The following ASPH variants were observed in gnomAD, a reference collection of about 807,000 sequenced individuals.
ASPH encodes the protein aspartyl/asparaginyl beta-hydroxylase.
ASPH carries 100 observed loss-of-function variants against 118.4 expected under a neutral mutation model. That is an observed-to-expected ratio of 0.84 (90% CI 0.72 to 1.00). ASPH has a LOEUF of 1.00. ASPH is among the 50% of genes least tolerant of loss of function. The probability of loss-of-function intolerance (pLI) is 0.00; values close to 1 mark genes in which losing one functional copy is unlikely to be tolerated. For synonymous variants in ASPH, 315 were observed against 325.6 expected, an observed-to-expected ratio of 0.97 and a Z score of 0.35; for missense variants, 920 against 919.5, an observed-to-expected ratio of 1.00 and a Z score of -0.01.
At position 61,652,664 on chromosome 8, in the gene ASPH, C is replaced by T. The variant is rs1387396832; in HGVS notation, c.415+904G>A. On this transcript the variant is annotated intron_variant, in intron 4 of 24. Transcript: ENST00000379454. ...GGTCAAGAGGGGTTTTATTTTAGTA[C>T]AAAGTAAAATTTGAGGTGCTAAATC... is the stretch of plus-strand genomic sequence containing the variant. Among the ~76,000 whole-genome samples the T allele has an allele frequency of 2.6e-5, 4 of 152,092 alleles. No individual in the cohort carries two copies. In the East Asian group the frequency reaches 7.7e-4, roughly 29 times the overall value.
At chr8:61,510,445 A>G (rs936194125) in intron 24 of ASPH, among the ~76,000 whole-genome samples, 1 of 152,232 alleles carries the variant, frequency 6.6e-6, no homozygotes, top group African/African-American at 2.4e-5. Flanking sequence ...AGCCCTATTA[A>G]TAAAGATTAT....
chr8:61,500,954 C>A lies in ASPH; in HGVS notation c.*2405G>T, dbSNP rs1235332417. 2.0e-5 allele frequency: 3 copies of A among 152,122 alleles called. No homozygotes were observed. In the East Asian group the frequency reaches 5.8e-4, roughly 29 times the overall value. 9.4% of individuals were successfully genotyped at this position (152,122 alleles called of 1,614,324 possible). On this transcript the variant is annotated 3_prime_UTR_variant, in exon 25 of 25. Transcript: ENST00000379454. ...TAATTATTTATTACATCATCTCTTT[C>A]TCAATGGATCTAATGTTTTAATTTT...
intron 20 of ASPH, among the ~76,000 whole-genome samples, chr8:61,552,241 G>A (rs1227971260): frequency 6.6e-6 from 1 of 152,232 alleles, no homozygotes; most frequent in Non-Finnish European, 1.5e-5. Context: ...GGACAGGAAA[G>A]GAGGGCTTTG....
At chr8:61,544,458 T>C (rs2130729621) in intron 21 of ASPH, among the ~76,000 whole-genome samples, 1 of 152,296 alleles carries the variant, frequency 6.6e-6, no homozygotes, top group African/African-American at 2.4e-5. Flanking sequence ...TATCCTTCTT[T>C]CTTAAGCAGT....
At chr8:61,687,112 AT>A (rs1830860913) in intron 1 of ASPH, among the ~76,000 whole-genome samples, 1 of 152,138 alleles carries the variant, frequency 6.6e-6, no homozygotes, top group Non-Finnish European at 1.5e-5. Context: ...TAAAAAGTCT[AT>A]AATGAAATAG....
chr8:61,507,969 T>G (rs1350359175), intron 24 of ASPH, among the ~76,000 whole-genome samples: 8 of 152,268 alleles, frequency 5.3e-5, no homozygotes, highest in Admixed American at 3.9e-4. Flanking sequence ...TGGCTCACTG[T>G]TGGAACTTCC....
At chr8:61,578,314 A>G (rs28639609) in intron 15 of ASPH, 1,399,358 of 1,599,554 alleles carry the variant, frequency 0.87, 614,241 homozygotes, top group African/African-American at 0.91. Flanking sequence ...CCCGGTGCCC[A>G]CATCAGCTCC....
chr8:61,541,509 T>C (rs1821966601), intron 21 of ASPH, among the ~76,000 whole-genome samples: 1 of 152,264 alleles, frequency 6.6e-6, no homozygotes, highest in African/African-American at 2.4e-5. Context: ...ACTTGGGTGA[T>C]GTTCCATGAC....
chr8:61,677,716 T>C (rs552764383), intron 3 of ASPH, among the ~76,000 whole-genome samples: 18 of 152,260 alleles, frequency 1.2e-4, no homozygotes, highest in African/African-American at 2.4e-4. Context: ...AGATCTATAA[T>C]CCCAACTAAG....
intron 5 of ASPH, among the ~76,000 whole-genome samples, chr8:61,650,222 G>A (rs1298581981): frequency 1.3e-5 from 2 of 152,170 alleles, no homozygotes; most frequent in African/African-American, 4.8e-5. Flanking sequence ...ATAGGCCCAT[G>A]AGTGGCTTTC....
Position 61,621,336 on chromosome 8 carries a change from G to A in ASPH, c.935-2317C>T, listed in dbSNP as rs67531859. Among the ~76,000 whole-genome samples the A allele has an allele frequency of 6.5e-3, 261 of 40,308 alleles. 1 individual carries two copies. The highest frequency in any genetic ancestry group is 0.02 in the African/African-American group (238 of 11,736). The allele number at this position is 40,308 out of a possible 152,430, so 26.4% of individuals were successfully genotyped here. ...TGCAACTTGAGCAAAAAAAAAAAAA[G>A]AAAAGAAAAGAAAAGAAAAGAAAAT... is the stretch of plus-strand genomic sequence containing the variant. On this transcript the variant is annotated intron_variant, in intron 13 of 24. Transcript: ENST00000379454.
At chr8:61,665,620 C>T in intron 3 of ASPH, 1 of 1,547,588 alleles carries the variant, frequency 6.5e-7, no homozygotes, top group South Asian at 1.3e-5. Flanking sequence ...TCAGATTTTC[C>T]AATTAAAGGA....
At chr8:61,567,000 A>G (rs961865149) in intron 17 of ASPH, among the ~76,000 whole-genome samples, 168 bp downstream of exon 17, 3 of 152,170 alleles carry the variant, frequency 2.0e-5, no homozygotes, top group African/African-American at 7.2e-5. Context: ...TAGGATTACA[A>G]TTTCAGTTTT....
intron 15 of ASPH, chr8:61,579,077 T>G: frequency 6.2e-7 from 1 of 1,609,544 alleles, no homozygotes; most frequent in Non-Finnish European, 8.5e-7. Context: ...AGATCAAGTA[T>G]GAGGAGCTGC....
intron 14 of ASPH, among the ~76,000 whole-genome samples, chr8:61,600,000 A>G (rs540192253): frequency 3.3e-5 from 5 of 152,342 alleles, no homozygotes; most frequent in Admixed American, 2.6e-4. Context: ...CCTGATACGA[A>G]AATCCCTAAT....
intron 13 of ASPH, chr8:61,625,240 A>G: frequency 3.0e-6 from 3 of 985,808 alleles, no homozygotes; most frequent in Non-Finnish European, 3.6e-6. Context: ...TAAGAAGAAA[A>G]TCTTCAGTGT....
At chr8:61,508,741 T>G (rs1807621829) in intron 24 of ASPH, among the ~76,000 whole-genome samples, 1 of 152,202 alleles carries the variant, frequency 6.6e-6, no homozygotes, top group Non-Finnish European at 1.5e-5. Flanking sequence ...CACATTGACT[T>G]AAGACCATGG....
At chr8:61,625,590 CCT>C (rs1852467989) in intron 13 of ASPH, 2 of 984,004 alleles carry the variant, frequency 2.0e-6, no homozygotes, top group Non-Finnish European at 2.4e-6. Context: ...TCAGCTTTCC[CCT>C]CTCATTTAAA....
chr8:61,584,859 T>A (rs1274467142), intron 14 of ASPH, among the ~76,000 whole-genome samples: 1 of 152,122 alleles, frequency 6.6e-6, no homozygotes, highest in Non-Finnish European at 1.5e-5. Context: ...GTTCTTTATC[T>A]TCTTCTGTGA....
Sources: allele counts gnomAD v4.1 joint callset (sites outside exome capture counted in the v4.1 genomes callset), GRCh38; gene constraint gnomAD v4.1.1; transcripts MANE v1.5; gene names NCBI Gene and HGNC (gene_info 2026-07-23, HGNC 2026-07-21).